Variants in RORB observed in about 807,000 individuals in gnomAD.
RORB encodes the protein nuclear receptor ROR-beta.
Under a neutral mutation model 59.1 loss-of-function variants are expected in RORB, and 6 were observed. The observed-to-expected ratio is 0.10, with a 90% CI of 0.06 to 0.20. The LOEUF is 0.20. Ranked by LOEUF, RORB falls within the 10% of genes least tolerant of loss-of-function variation. The pLI is 1.00. For synonymous variants in RORB, 215 were observed against 204.5 expected, an observed-to-expected ratio of 1.05 and a Z score of -0.44; for missense variants, 320 against 560.5, an observed-to-expected ratio of 0.57 and a Z score of 4.33.
chr9:74,520,161 A>C (rs1162321429), intron 1 of RORB, among the ~76,000 whole-genome samples: 1 of 151,950 alleles, frequency 6.6e-6, no homozygotes, highest in Non-Finnish European at 1.5e-5. Context: ...AAAAAAAATC[A>C]GCGGCTTAAC....
chr9:74,608,342 G>A (rs932897571), intron 1 of RORB, among the ~76,000 whole-genome samples: 2 of 152,032 alleles, frequency 1.3e-5, no homozygotes, highest in Admixed American at 1.3e-4. Context: ...GAGGCGGGCG[G>A]ATCATGAGGT....
chr9:74,612,262 G>A (rs534876819), intron 1 of RORB, among the ~76,000 whole-genome samples: 1 of 152,202 alleles, frequency 6.6e-6, no homozygotes, highest in African/African-American at 2.4e-5. Context: ...GATAGAGGTG[G>A]CATTAAAAGG....
chr9:74,604,609 A>T (rs923413084), intron 1 of RORB, among the ~76,000 whole-genome samples: 1 of 152,228 alleles, frequency 6.6e-6, no homozygotes, highest in African/African-American at 2.4e-5. Context: ...TTCAACATTT[A>T]TTTATCTAGA....
At chr9:74,560,722 C>T (rs1391054796) in intron 1 of RORB, among the ~76,000 whole-genome samples, 1 of 151,518 alleles carries the variant, frequency 6.6e-6, no homozygotes, top group Middle Eastern at 3.5e-3. Context: ...AAACCTAAAC[C>T]TATTTCAGTA....
chr9:74,647,116 C>A (rs1330712246), intron 4 of RORB, among the ~76,000 whole-genome samples: 3 of 152,282 alleles, frequency 2.0e-5, no homozygotes, highest in East Asian at 3.9e-4. Flanking sequence ...ATTTAGACAG[C>A]AGTATTAACT....
chr9:74,590,688 G>A (rs959430369), intron 1 of RORB, among the ~76,000 whole-genome samples: 1 of 152,100 alleles, frequency 6.6e-6, no homozygotes, highest in Non-Finnish European at 1.5e-5. Flanking sequence ...GCCCCAAGGG[G>A]GATTTTAGAT....
At chr9:74,638,409 C>G (rs1435793181) in intron 3 of RORB, among the ~76,000 whole-genome samples, 1 of 152,158 alleles carries the variant, frequency 6.6e-6, no homozygotes, top group Non-Finnish European at 1.5e-5. Flanking sequence ...GGGTTAAGAG[C>G]ATATCATGAG....
At chr9:74,545,824 A>G (rs1826477746) in intron 1 of RORB, among the ~76,000 whole-genome samples, 3 of 151,336 alleles carry the variant, frequency 2.0e-5, no homozygotes, top group Admixed American at 2.0e-4. Flanking sequence ...TTTTCAGGGG[A>G]CATATATCTA....
At chr9:74,547,734 G>A (rs1247320757) in intron 1 of RORB, among the ~76,000 whole-genome samples, 2 of 152,184 alleles carry the variant, frequency 1.3e-5, no homozygotes, top group Admixed American at 6.5e-5. Context: ...TTAATAAGGG[G>A]AGGAGAGACA....
At chr9:74,614,290 C>G (rs182164019) in intron 1 of RORB, among the ~76,000 whole-genome samples, 1 of 152,106 alleles carries the variant, frequency 6.6e-6, no homozygotes, top group Non-Finnish European at 1.5e-5. Context: ...TGGGCTAACA[C>G]AAAGAGATTA....
At chr9:74,537,629 C>T (rs1196436705) in intron 1 of RORB, among the ~76,000 whole-genome samples, 1 of 151,974 alleles carries the variant, frequency 6.6e-6, no homozygotes, top group Non-Finnish European at 1.5e-5. Flanking sequence ...TTGTTGCTGA[C>T]TAGTTGCATG....
chr9:74,635,268 T>C (rs530244083), intron 3 of RORB, among the ~76,000 whole-genome samples: 9 of 152,106 alleles, frequency 5.9e-5, no homozygotes, highest in Admixed American at 1.3e-4. Flanking sequence ...AGAGGAGGAA[T>C]TGGACTATCT....
intron 1 of RORB, among the ~76,000 whole-genome samples, chr9:74,567,042 T>C (rs184377745): frequency 3.9e-5 from 6 of 152,112 alleles, no homozygotes; most frequent in Admixed American, 3.9e-4. Context: ...CTTTTTTTTT[T>C]TCTGAGACAG....
At chr9:74,556,468 A>G (rs1012811216) in intron 1 of RORB, among the ~76,000 whole-genome samples, 1 of 152,144 alleles carries the variant, frequency 6.6e-6, no homozygotes, top group African/African-American at 2.4e-5. Flanking sequence ...TATGCAGCCA[A>G]AGAAAAGTGG....
chr9:74,675,737 T>A (rs945882347), intron 9 of RORB, among the ~76,000 whole-genome samples: 3 of 152,310 alleles, frequency 2.0e-5, no homozygotes, highest in Non-Finnish European at 4.4e-5. Flanking sequence ...AGCGTGCCCG[T>A]CAGTCTTCCA....
intron 1 of RORB, among the ~76,000 whole-genome samples, chr9:74,531,876 G>A (rs907287203): frequency 6.6e-6 from 1 of 151,790 alleles, no homozygotes; most frequent in African/African-American, 2.4e-5. Context: ...TATCTGGAGG[G>A]GTGATGAATT....
At chr9:74,519,787 A>T (rs1466726272) in intron 1 of RORB, among the ~76,000 whole-genome samples, 1 of 151,974 alleles carries the variant, frequency 6.6e-6, no homozygotes, top group African/African-American at 2.4e-5. Context: ...TTCTTAAATT[A>T]AATGTGTCTT....
Position 74,567,723 on chromosome 9 carries a change from G to T in RORB, c.8-62559G>T, listed in dbSNP as rs775025315. On this transcript the variant is annotated intron_variant, in intron 1 of 9. Transcript: ENST00000376896. Reference sequence around the variant, plus strand: ...CTTTGTTCCCACTCGTAAGGAAAATGGTACCACTTATGAAAGATAAAGACT... The same window carrying T: ...CTTTGTTCCCACTCGTAAGGAAAATTGTACCACTTATGAAAGATAAAGACT... 2.8e-4 allele frequency among the ~76,000 whole-genome samples: 42 copies of T among 152,106 alleles called. 1 individual carries two copies. Among genetic ancestry groups the T allele is most frequent in the Admixed American group, 1.3e-4 (2 of 15,274 alleles).
chr9:74,557,928 T>G (rs981351488), intron 1 of RORB, among the ~76,000 whole-genome samples: 17 of 152,204 alleles, frequency 1.1e-4, no homozygotes, highest in African/African-American at 3.9e-4. Flanking sequence ...TGTTTTTCTC[T>G]AAGTTTTAAG....
Sources: gnomAD v4.1 joint callset for allele counts (sites outside exome capture counted in the v4.1 genomes callset) on GRCh38, gnomAD v4.1.1 for gene constraint, MANE v1.5 for transcripts, NCBI Gene and HGNC (gene_info 2026-07-23, HGNC 2026-07-21) for gene names.